CACHD1: variants seen among roughly 807,000 people sequenced by gnomAD.
CACHD1 encodes VWFA and cache domain-containing protein 1.
In CACHD1, 71 loss-of-function variants were observed where a neutral mutation model predicts 138.7. The observed-to-expected ratio is 0.51, with a 90% CI of 0.42 to 0.62. The LOEUF (loss-of-function observed/expected upper bound fraction) is 0.62, where lower values mean the gene tolerates loss of function less well. Among genes scored for constraint, CACHD1 ranks in the 20% least tolerant of loss-of-function variants. The pLI, the probability that CACHD1 is intolerant of heterozygous loss-of-function variation, is 0.00. For missense variants in CACHD1, 1,389 were observed against 1,625.3 expected (o/e 0.85, Z 2.50); for synonymous variants, 578 against 591.5 (o/e 0.98, Z 0.33).
chr1:64,647,669 A>G (rs1648952319), intron 8 of CACHD1, 132 bp from the exon 9 acceptor site: 1 of 678,122 alleles, frequency 1.5e-6, no homozygotes, highest in Non-Finnish European at 2.5e-6. Flanking sequence ...TCCAGAGTCT[A>G]TGTGGTCTCT....
At chr1:64,594,127 G>A (rs1444432433) in intron 3 of CACHD1, among the ~76,000 whole-genome samples, 1 of 151,998 alleles carries the variant, frequency 6.6e-6, no homozygotes, top group African/African-American at 2.4e-5. Context: ...GATGGTGGGC[G>A]CCTGTAATCC....
At chr1:64,585,664 G>C (rs1570392205) in intron 3 of CACHD1, among the ~76,000 whole-genome samples, 1 of 152,196 alleles carries the variant, frequency 6.6e-6, no homozygotes, top group Admixed American at 6.5e-5. Flanking sequence ...GTACAGATAA[G>C]CAATACAATG....
intron 1 of CACHD1, among the ~76,000 whole-genome samples, chr1:64,530,646 G>T (rs536143913): frequency 6.6e-6 from 1 of 152,060 alleles, no homozygotes; most frequent in Non-Finnish European, 1.5e-5. Flanking sequence ...CGAGGTGGGC[G>T]GATCACCTGA....
intron 3 of CACHD1, among the ~76,000 whole-genome samples, chr1:64,589,359 A>AT (rs1647078720): frequency 6.6e-6 from 1 of 152,142 alleles, no homozygotes; most frequent in Non-Finnish European, 1.5e-5. Context: ...AGACAAAGCA[A>AT]TTAGCATTAG....
chr1:64,666,597 G>C (rs569324028), intron 16 of CACHD1, among the ~76,000 whole-genome samples: 53 of 152,128 alleles, frequency 3.5e-4, no homozygotes, highest in African/African-American at 1.1e-3. Context: ...GAAAAACGGG[G>C]TGGGTTCATT....
chr1:64,538,828 T>C (rs1646654816), intron 1 of CACHD1, among the ~76,000 whole-genome samples: 2 of 152,244 alleles, frequency 1.3e-5, no homozygotes, highest in Non-Finnish European at 2.9e-5. Context: ...TAGTAGCATA[T>C]TTCGAAGTAT....
intron 2 of CACHD1, among the ~76,000 whole-genome samples, chr1:64,568,899 A>C (rs753597809): frequency 2.0e-5 from 3 of 152,018 alleles, no homozygotes; most frequent in Admixed American, 6.6e-5. Flanking sequence ...TACTCTTTGT[A>C]TGTACAGTTT....
At chr1:64,681,466 T>C (rs1221505082) in intron 25 of CACHD1, 131 bp downstream of exon 25, 1 of 640,616 alleles carries the variant, frequency 1.6e-6, no homozygotes, top group African/African-American at 1.9e-5. Flanking sequence ...GTTTTTTTAG[T>C]TGTTTTTTTC....
intron 4 of CACHD1, among the ~76,000 whole-genome samples, chr1:64,616,106 A>G (rs1449164491): frequency 6.6e-6 from 1 of 152,166 alleles, no homozygotes; most frequent in Non-Finnish European, 1.5e-5. Context: ...TATTCTGCCT[A>G]CTGACACTTG....
chr1:64,688,087 G>C (rs1050940303), intron 26 of CACHD1, among the ~76,000 whole-genome samples: 89 of 151,922 alleles, frequency 5.9e-4, no homozygotes, highest in African/African-American at 2.0e-3. Context: ...AGGCACAATA[G>C]CAAGATGAGG....
chr1:64,641,956 T>C lies in CACHD1; in HGVS notation c.1143T>C (p.Tyr381=), dbSNP rs539905252. ...ACAACTCTGTAATGATTCTCACCTA[T>C]GCCCTCATGAACGGTAGGTAGAGTT... is the stretch of plus-strand genomic sequence containing the variant. The part of the protein sequence containing the change: ...FLNNSVMILT[Y]ALMNDGVTGL... The change falls in exon 8 of 27, where the codon TAT becomes TAC. Residue 381 remains tyrosine (Y), a synonymous_variant. Transcript: ENST00000651257. 1.2e-5 allele frequency: 19 copies of C among 1,585,604 alleles called. No homozygotes were observed. The South Asian group carries it at 2.1e-4, about 18-fold the overall frequency.
At chr1:64,520,027 T>C (rs1646486879) in intron 1 of CACHD1, among the ~76,000 whole-genome samples, 1 of 152,214 alleles carries the variant, frequency 6.6e-6, no homozygotes, top group Non-Finnish European at 1.5e-5. Context: ...CTATGCTTGA[T>C]AAAGTCCCAG....
rs576021987 is a variant in CACHD1, at chr1:64,673,231, G to C, written c.2584G>C (p.Val862Leu). ...TLIDPKGHAP[V>L]EQQHITHKEP... ...CATCGACCCCAAAGGACATGCACCT[G>C]TGGAGCAGCAGCACATCACCCACAA... The change falls in exon 18 of 27, where the codon GTG (valine) becomes CTG (leucine). Residue 862 changes from valine (V) to leucine (L), a missense_variant. Coordinates refer to ENST00000651257, the MANE Select transcript of CACHD1 (RefSeq NM_020925.4). The C allele has an allele frequency of 1.2e-5, 19 of 1,614,094 alleles. No homozygotes were observed. The South Asian group carries it at 1.9e-4, about 16-fold the overall frequency.
chr1:64,554,643 A>ATTT (rs1445044831), intron 2 of CACHD1, among the ~76,000 whole-genome samples: 1 of 152,112 alleles, frequency 6.6e-6, no homozygotes, highest in Non-Finnish European at 1.5e-5. Context: ...CTTATAGTAA[A>ATTT]TTTTTGTGGT....
intron 1 of CACHD1, among the ~76,000 whole-genome samples, chr1:64,522,975 C>T (rs1003800281): frequency 6.6e-6 from 1 of 152,170 alleles, no homozygotes; most frequent in Non-Finnish European, 1.5e-5. Flanking sequence ...CATACTGTGT[C>T]ATAAGTGCTG....
At chr1:64,599,774 C>T (rs4915990) in intron 3 of CACHD1, among the ~76,000 whole-genome samples, 53,073 of 151,896 alleles carry the variant, frequency 0.35, 10,382 homozygotes, top group African/African-American at 0.53. Context: ...CCTGGTCCCA[C>T]GAGCCAGCCT....
At chr1:64,655,893 T>G (rs1649245870) in intron 12 of CACHD1, among the ~76,000 whole-genome samples, 1 of 152,228 alleles carries the variant, frequency 6.6e-6, no homozygotes, top group Admixed American at 6.5e-5. Context: ...TTTAACCTGT[T>G]GACTCCAAAT....
intron 12 of CACHD1, among the ~76,000 whole-genome samples, chr1:64,655,942 A>G (rs1231100883): frequency 1.3e-5 from 2 of 152,188 alleles, no homozygotes; most frequent in African/African-American, 4.8e-5. Context: ...TACTTATTGA[A>G]CATTTTCTGT....
At chr1:64,644,683 C>G (rs1648846288) in intron 8 of CACHD1, among the ~76,000 whole-genome samples, 1 of 152,206 alleles carries the variant, frequency 6.6e-6, no homozygotes, top group South Asian at 2.1e-4. Context: ...TTTTCTCTCT[C>G]TTTCTCAGAA....
Sources: allele counts gnomAD v4.1 joint callset (sites outside exome capture counted in the v4.1 genomes callset), GRCh38; gene constraint gnomAD v4.1.1; transcripts MANE v1.5; gene names NCBI Gene and HGNC (gene_info 2026-07-23, HGNC 2026-07-21).